Variants in NDUFS4 observed in about 807,000 individuals in gnomAD.
NDUFS4 encodes the protein NADH:ubiquinone oxidoreductase subunit S4, also known as NADH dehydrogenase [ubiquinone] iron-sulfur protein 4, mitochondrial.
In NDUFS4, 28 loss-of-function variants were observed where a neutral mutation model predicts 24.3. The ratio of observed to expected loss-of-function variants is 1.15; its 90% confidence interval spans 0.85 to 1.58. The LOEUF is 1.58. NDUFS4 is among the 40% of genes most tolerant of loss of function. The probability of loss-of-function intolerance (pLI) is 0.00; values close to 1 mark genes in which losing one functional copy is unlikely to be tolerated. For missense variants in NDUFS4, 223 were observed against 207.9 expected (o/e 1.07, Z -0.45); for synonymous variants, 93 against 69.7 (o/e 1.34, Z -1.67).
At chr5:53,637,519 C>G (rs1011730374) in intron 2 of NDUFS4, among the ~76,000 whole-genome samples, 3 of 152,056 alleles carry the variant, frequency 2.0e-5, no homozygotes, top group Admixed American at 6.6e-5. Context: ...GCTTATAGTT[C>G]CTGGATTCTA....
rs530836163 is a variant in NDUFS4, at chr5:53,644,124, T to G, written c.178-2109T>G. Among the ~76,000 whole-genome samples, 58 of 152,314 alleles carry G rather than the reference T, an allele frequency of 3.8e-4. 1 individual carries two copies. Among genetic ancestry groups the G allele is most frequent in the African/African-American group, 1.3e-3 (52 of 41,584 alleles). On this transcript the variant is annotated intron_variant, in intron 2 of 4. Transcript: ENST00000296684. Reference sequence around the variant, plus strand: ...ATTTTTTTCAAAACTTGAAAAAGTTTAAAATCTTAAGTTTTTTAATCACTT... The same window carrying G: ...ATTTTTTTCAAAACTTGAAAAAGTTGAAAATCTTAAGTTTTTTAATCACTT...
intron 2 of NDUFS4, among the ~76,000 whole-genome samples, chr5:53,627,138 A>G (rs1751254241): frequency 6.6e-6 from 1 of 152,192 alleles, no homozygotes; most frequent in Non-Finnish European, 1.5e-5. Context: ...TAAAAAGGGA[A>G]TCCTTTCCCC....
At chr5:53,573,229 C>T (rs555862246) in intron 1 of NDUFS4, among the ~76,000 whole-genome samples, 2 of 152,218 alleles carry the variant, frequency 1.3e-5, no homozygotes, top group East Asian at 3.9e-4. Context: ...CCTGCCTAGG[C>T]TCCCCAAAGT....
At chr5:53,654,240 G>C (rs1752100204) in intron 3 of NDUFS4, among the ~76,000 whole-genome samples, 1 of 151,834 alleles carries the variant, frequency 6.6e-6, no homozygotes, top group Admixed American at 6.6e-5. Context: ...CTGTTGAAGG[G>C]CATTTTCTGT....
chr5:53,658,839 CAGACTGCTCTAATTTG>C, intron 4 of NDUFS4: 1 of 488,640 alleles, frequency 2.0e-6, no homozygotes, highest in East Asian at 3.3e-5. Context: ...ATGTAAAAGA[CAGACTGCTCTAATTTG>C]AAGTACCAAC....
rs189152671 is a variant in NDUFS4, at chr5:53,647,116, A to T, written c.350+711A>T. 9.2e-3 allele frequency among the ~76,000 whole-genome samples: 1,392 copies of T among 151,504 alleles called. 16 individuals are homozygous for T. Among genetic ancestry groups the T allele is most frequent in the African/African-American group, 0.032 (1,318 of 41,454 alleles). Reference sequence around the variant, plus strand: ...TTTTTTCTTTGTAAGGGGGGTAGGAACTAGGTCAATTTAGAAATTAGCTAA... The same window carrying T: ...TTTTTTCTTTGTAAGGGGGGTAGGATCTAGGTCAATTTAGAAATTAGCTAA... On this transcript the variant is annotated intron_variant, in intron 3 of 4. Coordinates refer to ENST00000296684, the MANE Select transcript of NDUFS4 (RefSeq NM_002495.4).
chr5:53,637,692 A>G (rs933067428), intron 2 of NDUFS4, among the ~76,000 whole-genome samples: 4 of 152,202 alleles, frequency 2.6e-5, no homozygotes, highest in Non-Finnish European at 5.9e-5. Flanking sequence ...AACAACAAAA[A>G]AAAATTATCC....
intron 1 of NDUFS4, among the ~76,000 whole-genome samples, chr5:53,567,932 A>T (rs2112409756): frequency 6.6e-6 from 1 of 152,280 alleles, no homozygotes; most frequent in African/African-American, 2.4e-5. Flanking sequence ...AGCTTGTAGA[A>T]GTCCATAGAT....
intron 1 of NDUFS4, among the ~76,000 whole-genome samples, chr5:53,600,644 T>C (rs1750282530): frequency 6.6e-6 from 1 of 152,162 alleles, no homozygotes; most frequent in Non-Finnish European, 1.5e-5. Flanking sequence ...GTGTTCATAA[T>C]TGACTGTGGA....
In NDUFS4 at chr5:53,613,258, C is replaced by T. The variant is rs141279369; in HGVS notation, c.177+9728C>T. Among the ~76,000 whole-genome samples, 478 of 152,084 alleles carry T rather than the reference C, an allele frequency of 3.1e-3. 2 individuals carry two copies. Among genetic ancestry groups the T allele is most frequent in the African/African-American group, 0.01 (420 of 41,518 alleles). ...GTCTGTTTTGTCTGGACTTTACTCACGCAGCATTCTTGTGCAAAAATTTCA... is the reference window on the plus strand; with the variant it reads ...GTCTGTTTTGTCTGGACTTTACTCATGCAGCATTCTTGTGCAAAAATTTCA... On this transcript the variant is annotated intron_variant, in intron 2 of 4. Transcript: ENST00000296684.
rs145705163 is a variant in NDUFS4 at position 53,661,693 on chromosome 5, G to T, written c.424+3069G>T. On this transcript the variant is annotated intron_variant, in intron 4 of 4. Coordinates refer to ENST00000296684, the MANE Select transcript of NDUFS4 (RefSeq NM_002495.4). ...TTATTTCATTGAGCAGTGGTTTGTA[G>T]TTCTCCTTGAAGAGGTCCTTCACGA... 5.1e-3 allele frequency among the ~76,000 whole-genome samples: 775 copies of T among 152,274 alleles called. 10 individuals are homozygous for T. The highest frequency in any genetic ancestry group is 0.017 in the African/African-American group (721 of 41,554).
intron 1 of NDUFS4, among the ~76,000 whole-genome samples, chr5:53,577,939 T>G (rs534956278): frequency 6.6e-6 from 1 of 152,186 alleles, no homozygotes; most frequent in Non-Finnish European, 1.5e-5. Flanking sequence ...ATTCTCCAGA[T>G]GAGCATGTAT....
Position 53,603,530 on chromosome 5 carries a change from G to A in NDUFS4, c.177G>A (p.Leu59=). The A allele has an allele frequency of 6.2e-7, 1 of 1,612,638 alleles. No individual in the cohort carries two copies. The highest frequency in any genetic ancestry group is 8.5e-7 in the Non-Finnish European group (1 of 1,178,988). ...AACTCATAACAGTTGATGAAAAATT[G>A]GTAAGGATTTTCTACTACACACTGC... ...DTQLITVDEK[L]DITTLTGVPE... The change falls in exon 2 of 5, where the codon TTG becomes TTA. Residue 59 remains leucine (L), a splice_region_variant and synonymous_variant. Transcript: ENST00000296684.
intron 2 of NDUFS4, among the ~76,000 whole-genome samples, chr5:53,618,062 A>C (rs1437223531): frequency 6.6e-6 from 1 of 152,118 alleles, no homozygotes. Flanking sequence ...GGATCACTTG[A>C]GCCTAGGAGT....
At chr5:53,581,471 A>G (rs1749566151) in intron 1 of NDUFS4, among the ~76,000 whole-genome samples, 1 of 151,866 alleles carries the variant, frequency 6.6e-6, no homozygotes, top group Non-Finnish European at 1.5e-5. Flanking sequence ...TCCCCTCCTG[A>G]CCCAATCTCC....
At chr5:53,625,809 C>T (rs1054684366) in intron 2 of NDUFS4, among the ~76,000 whole-genome samples, 10 of 151,634 alleles carry the variant, frequency 6.6e-5, no homozygotes, top group African/African-American at 2.4e-4. Context: ...TATTTATAAA[C>T]CTACATCATT....
Position 53,621,076 on chromosome 5 carries a change from TG to T in NDUFS4, c.177+17547del. On this transcript the variant is annotated intron_variant, in intron 2 of 4. Transcript: ENST00000296684. The stretch of plus-strand genomic sequence containing the variant: ...CTCAAACTATAATTGGTATCTTTCC[TG>T]TGTGTGTTGGATCACATTTTTGCTT... 1.3e-5 allele frequency among the ~76,000 whole-genome samples: 2 copies of T among 152,354 alleles called. 1 individual carries two copies. The highest frequency in any genetic ancestry group is 4.1e-4 in the South Asian group (2 of 4,832).
chr5:53,602,875 T>C (rs779286734), intron 1 of NDUFS4, among the ~76,000 whole-genome samples: 4 of 152,318 alleles, frequency 2.6e-5, no homozygotes, highest in Non-Finnish European at 4.4e-5. Flanking sequence ...ATAAAGGGGC[T>C]AGATTCTCTG....
chr5:53,569,792 T>C (rs1288021965), intron 1 of NDUFS4, among the ~76,000 whole-genome samples: 1 of 152,196 alleles, frequency 6.6e-6, no homozygotes, highest in African/African-American at 2.4e-5. Flanking sequence ...TGTTTACTCT[T>C]TATTAATGAT....
Sources: gnomAD v4.1 joint callset for allele counts (sites outside exome capture counted in the v4.1 genomes callset) on GRCh38, gnomAD v4.1.1 for gene constraint, MANE v1.5 for transcripts, NCBI Gene and HGNC (gene_info 2026-07-23, HGNC 2026-07-21) for gene names.